DCLK1: variants seen among roughly 807,000 people sequenced by gnomAD.
DCLK1 encodes the protein serine/threonine-protein kinase DCLK1.
Under a neutral mutation model 86.2 loss-of-function variants are expected in DCLK1, and 16 were observed. The ratio of observed to expected loss-of-function variants is 0.19; its 90% confidence interval spans 0.13 to 0.28. The LOEUF (loss-of-function observed/expected upper bound fraction) is 0.28. Among genes scored for constraint, DCLK1 ranks in the 10% least tolerant of loss-of-function variants. The probability of loss-of-function intolerance (pLI) is 1.00; values close to 1 mark genes in which losing one functional copy is unlikely to be tolerated. For missense variants in DCLK1, 590 were observed against 940.2 expected (o/e 0.63, Z 4.87); for synonymous variants, 369 against 370.5 (o/e 1.00, Z 0.05).
chr13:35,871,789 T>G (rs1009994663), intron 4 of DCLK1, among the ~76,000 whole-genome samples: 1 of 152,222 alleles, frequency 6.6e-6, no homozygotes, highest in Non-Finnish European at 1.5e-5. Context: ...GGACCAAGTT[T>G]ATTGCCATGG....
At chr13:35,801,375 T>C (rs2086915240) in intron 15 of DCLK1, among the ~76,000 whole-genome samples, 1 of 152,236 alleles carries the variant, frequency 6.6e-6, no homozygotes, top group African/African-American at 2.4e-5. Flanking sequence ...AAAATCCGTT[T>C]TCTGATTTAG....
intron 3 of DCLK1, among the ~76,000 whole-genome samples, chr13:35,971,973 TAGACTA>T (rs1325369844): frequency 6.6e-6 from 1 of 152,208 alleles, no homozygotes; most frequent in African/African-American, 2.4e-5. Context: ...TTTCTACGTC[TAGACTA>T]AATCCTTCCA....
intron 15 of DCLK1, among the ~76,000 whole-genome samples, chr13:35,804,093 G>T (rs1380302955): frequency 6.6e-6 from 1 of 152,244 alleles, no homozygotes. Context: ...GCAGACTCTA[G>T]AAGTTAAGCA....
intron 16 of DCLK1, among the ~76,000 whole-genome samples, chr13:35,789,423 GA>G (rs982089784): frequency 1.3e-5 from 2 of 152,238 alleles, no homozygotes; most frequent in South Asian, 2.1e-4. Flanking sequence ...ATTTTATTGA[GA>G]AAAAAATCAA....
intron 3 of DCLK1, among the ~76,000 whole-genome samples, chr13:36,023,447 G>A (rs1009574583): frequency 1.4e-4 from 21 of 152,140 alleles, no homozygotes. Flanking sequence ...GTCTGTTGGA[G>A]ACCCTCTTGC....
chr13:36,079,067 G>C (rs922515254), intron 3 of DCLK1, among the ~76,000 whole-genome samples: 8 of 152,118 alleles, frequency 5.3e-5, no homozygotes, highest in African/African-American at 1.9e-4. Context: ...GTGTCTCAAT[G>C]GTGCAGAAAA....
intron 3 of DCLK1, among the ~76,000 whole-genome samples, chr13:36,077,193 C>T (rs1884244061): frequency 6.6e-6 from 1 of 152,226 alleles, no homozygotes; most frequent in Admixed American, 6.5e-5. Context: ...CCCAAGGTGA[C>T]ACTGCTATAA....
intron 3 of DCLK1, among the ~76,000 whole-genome samples, chr13:35,995,424 ACAGAT>A: frequency 6.6e-6 from 1 of 152,356 alleles, no homozygotes; most frequent in Admixed American, 6.5e-5. Flanking sequence ...AGGAATGTAA[ACAGAT>A]CAGAGGACAA....
At chr13:35,875,946 C>G (rs1872564698) in intron 4 of DCLK1, among the ~76,000 whole-genome samples, 2 of 152,122 alleles carry the variant, frequency 1.3e-5, no homozygotes, top group Admixed American at 1.3e-4. Flanking sequence ...TGGTGGCTTC[C>G]TCACTACCCC....
At chr13:35,794,232 G>A (rs886951441) in intron 15 of DCLK1, among the ~76,000 whole-genome samples, 2 of 152,156 alleles carry the variant, frequency 1.3e-5, no homozygotes, top group Non-Finnish European at 1.5e-5. Flanking sequence ...AAGGCTGCAG[G>A]ATCCTTCAAG....
At chr13:35,788,589 GA>G (rs2086659960) in intron 16 of DCLK1, among the ~76,000 whole-genome samples, 1 of 152,114 alleles carries the variant, frequency 6.6e-6, no homozygotes, top group Admixed American at 6.5e-5. Context: ...ATATGCCATA[GA>G]ATAGAAAATG....
chr13:35,864,712 G>A (rs1399523298), intron 5 of DCLK1, among the ~76,000 whole-genome samples: 1 of 149,184 alleles, frequency 6.7e-6, no homozygotes, highest in Non-Finnish European at 1.5e-5. Context: ...GAGTGCAGTG[G>A]TGTGATCATG....
chr13:35,918,954 G>A (rs1593732655), intron 4 of DCLK1, among the ~76,000 whole-genome samples: 1 of 126,626 alleles, frequency 7.9e-6, no homozygotes, highest in East Asian at 2.3e-4. Context: ...AGGCTGGAGT[G>A]CAGTGGTGCA....
chr13:35,819,619 C>A (rs1458987147), intron 11 of DCLK1, among the ~76,000 whole-genome samples: 1 of 152,042 alleles, frequency 6.6e-6, no homozygotes, highest in South Asian at 2.1e-4. Context: ...GCTGTGAGGT[C>A]TTTTTATGTA....
At chr13:35,974,288 G>C (rs1879215148) in intron 3 of DCLK1, among the ~76,000 whole-genome samples, 1 of 152,170 alleles carries the variant, frequency 6.6e-6, no homozygotes, top group African/African-American at 2.4e-5. Flanking sequence ...ACTTTAAAAT[G>C]AGGTCAGTGG....
chr13:35,838,780 A>G (rs1869580924), intron 7 of DCLK1, among the ~76,000 whole-genome samples: 1 of 152,208 alleles, frequency 6.6e-6, no homozygotes, highest in African/African-American at 2.4e-5. Context: ...AGAGTTTGGG[A>G]AAACAAAAGC....
intron 2 of DCLK1, among the ~76,000 whole-genome samples, chr13:36,117,239 A>AG (rs1885822655): frequency 6.6e-6 from 1 of 152,172 alleles, no homozygotes; most frequent in South Asian, 2.1e-4. Flanking sequence ...TATTATAATA[A>AG]GCATGGCTTA....
intron 5 of DCLK1, among the ~76,000 whole-genome samples, chr13:35,856,521 C>A (rs1392062275): frequency 6.6e-6 from 1 of 152,160 alleles, no homozygotes; most frequent in Non-Finnish European, 1.5e-5. Flanking sequence ...AATAGGGAAG[C>A]AAACACAGTG....
At chr13:36,027,273 C>T (rs1384431760) in intron 3 of DCLK1, among the ~76,000 whole-genome samples, 5 of 152,198 alleles carry the variant, frequency 3.3e-5, no homozygotes, top group African/African-American at 4.8e-5. Context: ...CAACCTAGAT[C>T]CCTCACATGT....
Sources: gnomAD v4.1 joint callset for allele counts (sites outside exome capture counted in the v4.1 genomes callset) on GRCh38, gnomAD v4.1.1 for gene constraint, MANE v1.5 for transcripts, NCBI Gene and HGNC (gene_info 2026-07-23, HGNC 2026-07-21) for gene names.